The following MCPH1 variants were observed in gnomAD, a reference collection of about 807,000 sequenced individuals.
The protein encoded by MCPH1 is microcephalin.
Under a neutral mutation model 84.5 loss-of-function variants are expected in MCPH1, and 104 were observed. That is an observed-to-expected ratio of 1.23 (90% CI 1.05 to 1.45). The LOEUF (loss-of-function observed/expected upper bound fraction) is 1.45. Among genes scored for constraint, MCPH1 ranks in the 40% most tolerant of loss-of-function variants. The pLI is 0.00. For synonymous variants in MCPH1, 514 were observed against 366.8 expected, an observed-to-expected ratio of 1.40 and a Z score of -4.58; for missense variants, 1,498 against 1,005.7, an observed-to-expected ratio of 1.49 and a Z score of -6.62.
chr8:6,476,709 T>G (rs1048662461), intron 9 of MCPH1, among the ~76,000 whole-genome samples: 1 of 152,234 alleles, frequency 6.6e-6, no homozygotes, highest in Non-Finnish European at 1.5e-5. Context: ...CTGGGGTCCT[T>G]CAAATGCCTT....
intron 13 of MCPH1, among the ~76,000 whole-genome samples, chr8:6,637,742 C>G (rs903214988): frequency 6.6e-6 from 1 of 152,272 alleles, no homozygotes; most frequent in Non-Finnish European, 1.5e-5. Flanking sequence ...ATCCTCCTAA[C>G]TCGGCCTCTC....
chr8:6,421,107 G>A (rs1800130795), intron 3 of MCPH1, among the ~76,000 whole-genome samples: 1 of 152,204 alleles, frequency 6.6e-6, no homozygotes, highest in South Asian at 2.1e-4. Context: ...CAGGCAGCTT[G>A]TTTAGGAAGT....
intron 1 of MCPH1, among the ~76,000 whole-genome samples, chr8:6,407,701 G>T (rs1267852546): frequency 1.3e-5 from 2 of 152,010 alleles, no homozygotes; most frequent in Non-Finnish European, 2.9e-5. Context: ...TTCTTTTAGC[G>T]TTACCCCCAA....
intron 12 of MCPH1, among the ~76,000 whole-genome samples, chr8:6,537,229 A>G (rs1820663275): frequency 6.6e-6 from 1 of 152,114 alleles, no homozygotes; most frequent in Non-Finnish European, 1.5e-5. Context: ...GGATTATTCC[A>G]TGAGCGTGAT....
intron 12 of MCPH1, among the ~76,000 whole-genome samples, chr8:6,612,880 A>C (rs1354838311): frequency 6.6e-6 from 1 of 152,252 alleles, no homozygotes; most frequent in East Asian, 1.9e-4. Flanking sequence ...TCTTTCAAGA[A>C]GTTTTGTTAC....
chr8:6,444,229 C>T (rs1803925805), intron 7 of MCPH1, among the ~76,000 whole-genome samples, 164 bp from the exon 8 acceptor site: 1 of 152,134 alleles, frequency 6.6e-6, no homozygotes, highest in Non-Finnish European at 1.5e-5. Context: ...AAAATACTGG[C>T]CTAAAATGTA....
intron 12 of MCPH1, among the ~76,000 whole-genome samples, chr8:6,563,608 T>C (rs1825864775): frequency 6.6e-6 from 1 of 152,264 alleles, no homozygotes; most frequent in Admixed American, 6.5e-5. Flanking sequence ...AGTTCCTGTT[T>C]TTTCCTTTAG....
chr8:6,461,053 C>T lies in MCPH1; in HGVS notation c.1935+5801C>T, dbSNP rs145979548. On this transcript the variant is annotated intron_variant, in intron 9 of 13. Transcript: ENST00000344683. ...AGAAGACAGCAGTAAGAGGCCAACT[C>T]AAGAGAAATGATTTTTGAGATGAAC... is the stretch of plus-strand genomic sequence containing the variant. Among the ~76,000 whole-genome samples, 259 of 152,162 alleles carry T rather than the reference C, an allele frequency of 1.7e-3. 2 individuals are homozygous for T. Among genetic ancestry groups the T allele is most frequent in the African/African-American group, 5.9e-3 (246 of 41,510 alleles).
intron 12 of MCPH1, chr8:6,563,111 C>G (rs1341308300): frequency 1.6e-6 from 1 of 606,088 alleles, no homozygotes; most frequent in Non-Finnish European, 2.8e-6. Context: ...CTGCTGTGTT[C>G]TCTCCAGGCA....
intron 12 of MCPH1, among the ~76,000 whole-genome samples, chr8:6,615,117 A>G (rs773179312): frequency 2.6e-5 from 4 of 152,184 alleles, no homozygotes; most frequent in Non-Finnish European, 1.5e-5. Context: ...AGCTCTTGCA[A>G]TTATTGCCTG....
At chr8:6,487,992 C>A (rs1319644162) in intron 11 of MCPH1, among the ~76,000 whole-genome samples, 3 of 152,222 alleles carry the variant, frequency 2.0e-5, no homozygotes, top group Non-Finnish European at 4.4e-5. Flanking sequence ...TATGGTCTTA[C>A]ATTTATCTCC....
At chr8:6,433,849 G>T (rs890739183) in intron 4 of MCPH1, among the ~76,000 whole-genome samples, 1 of 151,936 alleles carries the variant, frequency 6.6e-6, no homozygotes, top group African/African-American at 2.4e-5. Context: ...GGGTCCTTGA[G>T]ATGGTTCTGT....
intron 6 of MCPH1, among the ~76,000 whole-genome samples, chr8:6,439,743 A>G (rs1162458569): frequency 2.0e-5 from 3 of 152,150 alleles, no homozygotes; most frequent in Non-Finnish European, 4.4e-5. Flanking sequence ...AGATTAATGT[A>G]TCTAAGGAAT....
intron 6 of MCPH1, among the ~76,000 whole-genome samples, chr8:6,439,366 T>TC (rs1433082219): frequency 1.3e-5 from 1 of 74,862 alleles, no homozygotes; most frequent in Admixed American, 1.8e-4. Flanking sequence ...TTTCTTTCTT[T>TC]TTTTTTAAAA....
chr8:6,417,485 C>T (rs188884028), intron 3 of MCPH1, among the ~76,000 whole-genome samples: 1 of 152,190 alleles, frequency 6.6e-6, no homozygotes, highest in Non-Finnish European at 1.5e-5. Context: ...TGCATTTGTC[C>T]ATAGTGCTCT....
At chr8:6,411,837 G>A (rs1380598831) in intron 2 of MCPH1, among the ~76,000 whole-genome samples, 1 of 152,100 alleles carries the variant, frequency 6.6e-6, no homozygotes, top group South Asian at 2.1e-4. Context: ...GGCGGGACGC[G>A]GGCATGTCTT....
chr8:6,480,411 G>A (rs936515614), intron 10 of MCPH1, among the ~76,000 whole-genome samples: 9 of 151,836 alleles, frequency 5.9e-5, no homozygotes, highest in African/African-American at 1.5e-4. Flanking sequence ...GAGCCACCGC[G>A]CCCAGCCAGG....
intron 8 of MCPH1, among the ~76,000 whole-genome samples, chr8:6,454,635 GC>G (rs1163144566): frequency 6.6e-6 from 1 of 152,166 alleles, no homozygotes; most frequent in African/African-American, 2.4e-5. Flanking sequence ...TGTCTTCATG[GC>G]AAGACGCTGG....
At chr8:6,597,630 G>C (rs557044901) in intron 12 of MCPH1, among the ~76,000 whole-genome samples, 1 of 152,250 alleles carries the variant, frequency 6.6e-6, no homozygotes, top group South Asian at 2.1e-4. Flanking sequence ...CCCGGAACAC[G>C]GAGGGAGGGC....
Sources: gnomAD v4.1 joint callset for allele counts (sites outside exome capture counted in the v4.1 genomes callset) on GRCh38, gnomAD v4.1.1 for gene constraint, MANE v1.5 for transcripts, NCBI Gene and HGNC (gene_info 2026-07-23, HGNC 2026-07-21) for gene names.